The following PRKCB variants were observed in gnomAD, a reference collection of about 807,000 sequenced individuals.
The protein encoded by PRKCB is protein kinase C beta, also known as protein kinase C beta type.
A neutral mutation model predicts 81.5 loss-of-function variants in PRKCB; 13 were observed. The observed-to-expected ratio is 0.16, with a 90% confidence interval of 0.10 to 0.25. The LOEUF is 0.25. Ranked by LOEUF, PRKCB falls within the 10% of genes least tolerant of loss-of-function variation. PRKCB has a pLI of 1.00. For synonymous variants in PRKCB, 335 were observed against 321.4 expected (o/e 1.04, Z -0.45); for missense variants, 509 against 875.7 (o/e 0.58, Z 5.29).
intron 5 of PRKCB, among the ~76,000 whole-genome samples, chr16:24,036,990 C>A (rs1028623399): frequency 6.6e-6 from 1 of 152,140 alleles, no homozygotes; most frequent in African/African-American, 2.4e-5. Context: ...ATTGTGAAAT[C>A]TCTATTATTC....
intron 10 of PRKCB, among the ~76,000 whole-genome samples, chr16:24,164,412 G>C (rs1967310170): frequency 6.6e-6 from 1 of 152,176 alleles, no homozygotes; most frequent in Non-Finnish European, 1.5e-5. Flanking sequence ...AGGAGAAAGG[G>C]AATTTTAAAT....
Position 23,933,480 on chromosome 16 carries a change from G to A in PRKCB, c.206-55028G>A, listed in dbSNP as rs528645791. 2.9e-4 allele frequency among the ~76,000 whole-genome samples: 44 copies of A among 152,306 alleles called. No homozygotes were observed. In the South Asian group the frequency reaches 2.9e-3, roughly 10 times the overall value. On this transcript the variant is annotated intron_variant, in intron 2 of 16. Coordinates refer to ENST00000643927, the MANE Select transcript of PRKCB (RefSeq NM_002738.7). ...TGATACAGTTAGGCTTCATAATTTG[G>A]AGGTTTGGGAGGAAAATGAGGTGAA...
chr16:23,910,370 A>T (rs1205776468), intron 2 of PRKCB, among the ~76,000 whole-genome samples: 1 of 152,096 alleles, frequency 6.6e-6, no homozygotes, highest in Non-Finnish European at 1.5e-5. Context: ...GCACTAATTA[A>T]CACTAGATCA....
intron 2 of PRKCB, among the ~76,000 whole-genome samples, chr16:23,879,418 T>A (rs1019492791): frequency 2.0e-5 from 3 of 151,480 alleles, no homozygotes; most frequent in Non-Finnish European, 1.5e-5. Context: ...TTGACATGAA[T>A]CTCCTGCAAA....
At chr16:24,081,825 T>C (rs1337302284) in intron 5 of PRKCB, among the ~76,000 whole-genome samples, 2 of 151,894 alleles carry the variant, frequency 1.3e-5, no homozygotes, top group Non-Finnish European at 2.9e-5. Context: ...GAGCTGAGAT[T>C]GCACCACTGC....
At chr16:24,092,725 C>A in intron 5 of PRKCB, 66 bp from the exon 6 acceptor site, 2 of 1,453,902 alleles carry the variant, frequency 1.4e-6, no homozygotes, top group Non-Finnish European at 1.9e-6. Flanking sequence ...AGTTCTGCAG[C>A]TGTCACTGCT....
intron 2 of PRKCB, among the ~76,000 whole-genome samples, chr16:23,977,314 T>C (rs927454429): frequency 1.3e-5 from 2 of 152,048 alleles, no homozygotes; most frequent in Admixed American, 6.6e-5. Context: ...GCGTTCAGAG[T>C]AGCAGTGTTC....
chr16:24,021,036 C>CTTTATTTATTTA lies in PRKCB; in HGVS notation c.289-11097_289-11096insATTTATTTATTT, dbSNP rs1421407329. ...TCTTTCTTTCTTTCTTTCTTTCTTT[C>CTTTATTTATTTA]TTTCTCTTTCTTTCTTTCTTTCCCT... On this transcript the variant is annotated intron_variant, in intron 3 of 16. Coordinates refer to ENST00000643927, the MANE Select transcript of PRKCB (RefSeq NM_002738.7). 4.3e-5 allele frequency among the ~76,000 whole-genome samples: 6 copies of CTTTATTTATTTA among 138,578 alleles called. 1 individual carries two copies. Among genetic ancestry groups the CTTTATTTATTTA allele is most frequent in the African/African-American group, 1.7e-4 (6 of 35,774 alleles). 90.9% of individuals were successfully genotyped at this position (138,578 alleles called of 152,430 possible).
At chr16:23,981,686 TCCCTTCCCCTTCCCTTC>T (rs1964708967) in intron 2 of PRKCB, among the ~76,000 whole-genome samples, 1 of 82,932 alleles carries the variant, frequency 1.2e-5, no homozygotes, top group Non-Finnish European at 2.3e-5. Context: ...CCCTTCCCCT[TCCCTTCCCCTTCCCTTC>T]CCCTTCCCTT....
intron 15 of PRKCB, 90 bp downstream of exon 15, chr16:24,185,657 C>T: frequency 9.3e-7 from 1 of 1,069,972 alleles, no homozygotes; most frequent in Non-Finnish European, 1.4e-6. Context: ...CAGGGGGGAA[C>T]ACAGCCTGAA....
At chr16:24,145,005 G>A (rs544981850) in intron 9 of PRKCB, among the ~76,000 whole-genome samples, 1 of 152,292 alleles carries the variant, frequency 6.6e-6, no homozygotes, top group African/African-American at 2.4e-5. Flanking sequence ...AAAAACAAAG[G>A]AGGGGAAGGG....
chr16:23,878,123 C>G (rs999769941), intron 2 of PRKCB, among the ~76,000 whole-genome samples: 1 of 152,142 alleles, frequency 6.6e-6, no homozygotes, highest in Admixed American at 6.5e-5. Context: ...CGTGAGCCAC[C>G]GCACCCGGCC....
chr16:24,178,709 C>T (rs985636285), intron 12 of PRKCB, among the ~76,000 whole-genome samples: 2 of 152,200 alleles, frequency 1.3e-5, no homozygotes, highest in African/African-American at 4.8e-5. Context: ...GCGCCAAAGG[C>T]ATGGCGTGTT....
intron 2 of PRKCB, among the ~76,000 whole-genome samples, chr16:23,931,072 A>T (rs937407680): frequency 6.6e-6 from 1 of 152,220 alleles, no homozygotes. Flanking sequence ...TAAGTAAAGG[A>T]AGTCTTTAAT....
intron 2 of PRKCB, among the ~76,000 whole-genome samples, chr16:23,896,916 C>T (rs1265494272): frequency 6.6e-6 from 1 of 150,968 alleles, no homozygotes; most frequent in South Asian, 2.1e-4. Flanking sequence ...ATCCATCCAT[C>T]CATCCATCCA....
At chr16:24,185,035 A>G (rs1967682031) in intron 13 of PRKCB, 76 bp from the exon 14 acceptor site, 2 of 1,257,486 alleles carry the variant, frequency 1.6e-6, no homozygotes, top group Non-Finnish European at 1.2e-6. Context: ...GCCTTCTTGT[A>G]AAAGAAGAGT....
At chr16:24,023,930 A>G (rs142844130) in intron 3 of PRKCB, among the ~76,000 whole-genome samples, 1 of 152,282 alleles carries the variant, frequency 6.6e-6, no homozygotes, top group East Asian at 1.9e-4. Context: ...CAAGGCAATT[A>G]TAGATATCTT....
chr16:24,137,598 C>T (rs531693245), intron 9 of PRKCB, among the ~76,000 whole-genome samples: 1 of 152,298 alleles, frequency 6.6e-6, no homozygotes, highest in African/African-American at 2.4e-5. Context: ...GAAACTCTGT[C>T]TCAGGTGATC....
At chr16:24,212,988 G>T (rs1968168984) in intron 16 of PRKCB, among the ~76,000 whole-genome samples, 2 of 151,642 alleles carry the variant, frequency 1.3e-5, no homozygotes, top group South Asian at 4.2e-4. Flanking sequence ...TCAGCCACCA[G>T]GCTGCCACCG....
Sources: gnomAD v4.1 joint callset for allele counts (sites outside exome capture counted in the v4.1 genomes callset) on GRCh38, gnomAD v4.1.1 for gene constraint, MANE v1.5 for transcripts, NCBI Gene and HGNC (gene_info 2026-07-23, HGNC 2026-07-21) for gene names.